Variants in NPHP1 observed in about 807,000 individuals in gnomAD.
The protein encoded by NPHP1 is nephrocystin 1, also known as nephrocystin-1.
A neutral mutation model predicts 90.4 loss-of-function variants in NPHP1; 70 were observed. The ratio of observed to expected loss-of-function variants is 0.77; its 90% confidence interval spans 0.64 to 0.95. NPHP1 has a LOEUF of 0.95. Among genes scored for constraint, NPHP1 ranks in the 40% least tolerant of loss-of-function variants. The probability of loss-of-function intolerance (pLI) is 0.00; values close to 1 mark genes in which losing one functional copy is unlikely to be tolerated. For synonymous variants in NPHP1, 256 were observed against 271.7 expected (o/e 0.94, Z 0.57); for missense variants, 764 against 795.9 (o/e 0.96, Z 0.48).
At chr2:110,152,851 T>C (rs1681593354) in intron 11 of NPHP1, among the ~76,000 whole-genome samples, 1 of 151,144 alleles carries the variant, frequency 6.6e-6, no homozygotes, top group African/African-American at 2.4e-5. Flanking sequence ...CACTACTAGA[T>C]AGAGGGAAAC....
intron 15 of NPHP1, chr2:110,143,941 A>C: frequency 1.6e-5 from 6 of 384,726 alleles, no homozygotes; most frequent in South Asian, 1.4e-4. Flanking sequence ...AGAAGGCAGG[A>C]CTGGCGTTGT....
At chr2:110,153,957 T>C (rs1009972579) in intron 11 of NPHP1, among the ~76,000 whole-genome samples, 1 of 149,544 alleles carries the variant, frequency 6.7e-6, no homozygotes, top group Middle Eastern at 3.4e-3. Context: ...CACTCCAGCC[T>C]GGGTGACAAA....
chr2:110,161,829 CA>C lies in NPHP1; in HGVS notation c.860-133del, dbSNP rs1682365733. ...CGCTGCTTACTAAGAACTTGCTTTC[CA>C]AAATAGAAGCGCCAATATAGATTTA... On this transcript the variant is annotated intron_variant, in intron 9 of 19. Coordinates refer to ENST00000445609, the MANE Select transcript of NPHP1 (RefSeq NM_001128178.3). The C allele has an allele frequency of 4.7e-6, 3 of 636,580 alleles. No individual in the cohort carries two copies. In the Admixed American group the frequency reaches 7.5e-5, roughly 16 times the overall value. 39.4% of individuals were successfully genotyped at this position (636,580 alleles called of 1,614,324 possible). A position where few individuals can be genotyped will look rare whatever the true frequency, so the allele number is the denominator to read the frequency against.
chr2:110,172,962 C>CTTTTTTTT (rs559012343), intron 4 of NPHP1, among the ~76,000 whole-genome samples: 18 of 136,096 alleles, frequency 1.3e-4, no homozygotes, highest in African/African-American at 5.1e-4. Context: ...TTTTCTTTTT[C>CTTTTTTTT]TTTTTTTTTT....
chr2:110,162,950 A>T (rs1682451784), intron 9 of NPHP1, 98 bp downstream of exon 9: 3 of 792,744 alleles, frequency 3.8e-6, no homozygotes, highest in African/African-American at 3.4e-5. Flanking sequence ...GAGATTCAAC[A>T]TCTTCTTCAA....
At chr2:110,166,953 G>A (rs1439032570) in intron 6 of NPHP1, among the ~76,000 whole-genome samples, 1 of 151,958 alleles carries the variant, frequency 6.6e-6, no homozygotes, top group Non-Finnish European at 1.5e-5. Flanking sequence ...TGCTGTAAAT[G>A]TAAAACACAC....
intron 17 of NPHP1, 107 bp from the exon 18 acceptor site, chr2:110,129,366 G>C (rs1679614966): frequency 1.2e-6 from 1 of 857,012 alleles, no homozygotes; most frequent in Admixed American, 2.0e-5. Context: ...CAAATGATTT[G>C]TTGATAACAC....
At chr2:110,192,461 A>C (rs896844950) in intron 2 of NPHP1, among the ~76,000 whole-genome samples, 9 of 152,168 alleles carry the variant, frequency 5.9e-5, no homozygotes, top group Admixed American at 3.9e-4. Context: ...TAGAGAAAAA[A>C]GAATAAAAAG....
intron 2 of NPHP1, among the ~76,000 whole-genome samples, chr2:110,200,877 G>C (rs1685533709): frequency 6.6e-6 from 1 of 152,066 alleles, no homozygotes; most frequent in Non-Finnish European, 1.5e-5. Context: ...TTAATAGAAT[G>C]AATCTCATGT....
Position 110,131,716 on chromosome 2 carries a change from A to G in NPHP1, c.1605T>C (p.Asp535=). ...AGCTCATCCTGTCTTTCAGGAGCAC[A>G]TCTCCAAGAATTTGTCGATAAAATA... ...LLIFYRQILG[D]VLLKDRMSLQ... Residue 535 remains aspartate, a synonymous_variant, in exon 17 of 20, where the codon GAT becomes GAC. Coordinates refer to ENST00000445609, the MANE Select transcript of NPHP1 (RefSeq NM_001128178.3). 6.2e-7 allele frequency: 1 copy of G among 1,613,408 alleles called. No homozygotes were observed. The highest frequency in any genetic ancestry group is 8.5e-7 in the Non-Finnish European group (1 of 1,179,374).
intron 4 of NPHP1, chr2:110,178,211 A>G (rs1345603580): frequency 1.8e-6 from 1 of 546,048 alleles, no homozygotes; most frequent in Non-Finnish European, 3.2e-6. Flanking sequence ...TAAATTATAA[A>G]TTGCCTGAGG....
Position 110,161,690 on chromosome 2 carries a change from T to C in NPHP1, c.867A>G (p.Gln289=), listed in dbSNP as rs371112962. ...GTTGTAAGAAGTAATTTGCTCGAAA[T>C]TGATTCCCTGAAAAAATCATTTTTT... ...TLSQLLEEGN[Q]FRANYFLQPE... The change falls in exon 10 of 20, where the codon CAA becomes CAG. Residue 289 remains glutamine, a synonymous_variant. Transcript: ENST00000445609. 5.3e-5 allele frequency: 86 copies of C among 1,609,564 alleles called. 1 individual carries two copies. The highest frequency in any genetic ancestry group is 4.5e-4 in the African/African-American group (34 of 74,828).
chr2:110,173,806 A>G (rs1055746733), intron 4 of NPHP1, among the ~76,000 whole-genome samples: 2 of 152,148 alleles, frequency 1.3e-5, no homozygotes, highest in African/African-American at 4.8e-5. Context: ...AGGCTTGACT[A>G]TACATGTAAT....
chr2:110,149,665 G>C (rs1681319990), intron 12 of NPHP1, among the ~76,000 whole-genome samples: 1 of 152,148 alleles, frequency 6.6e-6, no homozygotes, highest in South Asian at 2.1e-4. Context: ...TGAGACCTTG[G>C]AGGTAGACGA....
intron 19 of NPHP1, chr2:110,124,673 G>GTTTTTTAATCAT: frequency 5.6e-6 from 1 of 178,614 alleles, no homozygotes; most frequent in South Asian, 1.3e-4. Context: ...ACAGCAAGTT[G>GTTTTTTAATCAT]AGGGCAGAGC....
chr2:110,179,823 T>C (rs1683763781), intron 2 of NPHP1, 139 bp from the exon 3 acceptor site: 2 of 523,664 alleles, frequency 3.8e-6, no homozygotes, highest in Non-Finnish European at 6.9e-6. Flanking sequence ...GACATATAAA[T>C]GCTTTTCCAC....
chr2:110,184,396 C>A, intron 2 of NPHP1: 1 of 622,876 alleles, frequency 1.6e-6, no homozygotes, highest in Non-Finnish European at 3.0e-6. Context: ...ACTGAGGCAC[C>A]TTTAAACCCA....
chr2:110,138,056 T>C (rs1680343310), intron 16 of NPHP1, among the ~76,000 whole-genome samples: 1 of 151,900 alleles, frequency 6.6e-6, no homozygotes, highest in Admixed American at 6.6e-5. Flanking sequence ...ACCATCATTC[T>C]CAGCAAACTA....
intron 17 of NPHP1, among the ~76,000 whole-genome samples, chr2:110,130,106 C>T (rs1442880594): frequency 6.6e-6 from 1 of 152,100 alleles, no homozygotes; most frequent in East Asian, 1.9e-4. Context: ...TCAAGCCCTT[C>T]TGTAAGGGTC....
Sources: gnomAD v4.1 joint callset for allele counts (sites outside exome capture counted in the v4.1 genomes callset) on GRCh38, gnomAD v4.1.1 for gene constraint, MANE v1.5 for transcripts, NCBI Gene and HGNC (gene_info 2026-07-23, HGNC 2026-07-21) for gene names.